The following SMURF1 variants were observed in gnomAD, a reference collection of about 807,000 sequenced individuals.
The protein encoded by SMURF1 is E3 ubiquitin-protein ligase SMURF1.
Under a neutral mutation model 98.0 loss-of-function variants are expected in SMURF1, and 44 were observed. That is an observed-to-expected ratio of 0.45 (90% confidence interval 0.35 to 0.58). SMURF1 has a LOEUF of 0.58. Among genes scored for constraint, SMURF1 ranks in the 20% least tolerant of loss-of-function variants. The pLI is 0.00. For missense variants in SMURF1, 687 were observed against 938.4 expected (o/e 0.73, Z 3.50); for synonymous variants, 396 against 374.9 (o/e 1.06, Z -0.65).
intron 1 of SMURF1, among the ~76,000 whole-genome samples, chr7:99,112,632 G>T (rs1207974774): frequency 6.6e-6 from 1 of 152,014 alleles, no homozygotes; most frequent in African/African-American, 2.4e-5. Flanking sequence ...CCAGAAAAAA[G>T]AAATTAACAG....
chr7:99,140,547 A>G (rs1462519014), intron 1 of SMURF1, among the ~76,000 whole-genome samples: 1 of 151,904 alleles, frequency 6.6e-6, no homozygotes, highest in Non-Finnish European at 1.5e-5. Flanking sequence ...TCAGCCTCCC[A>G]AAGTGCTGAG....
chr7:99,137,760 ATTATTTAAGCC>A (rs1798027184), intron 1 of SMURF1, among the ~76,000 whole-genome samples: 1 of 152,248 alleles, frequency 6.6e-6, no homozygotes, highest in South Asian at 2.1e-4. Flanking sequence ...CTGATTATAC[ATTATTTAAGCC>A]TTGTTTTAAA....
At chr7:99,058,748 AT>A (rs1022492702) in intron 3 of SMURF1, among the ~76,000 whole-genome samples, 1 of 152,226 alleles carries the variant, frequency 6.6e-6, no homozygotes, top group Non-Finnish European at 1.5e-5. Flanking sequence ...GATTACTTTG[AT>A]GAAAATATCT....
intron 1 of SMURF1, among the ~76,000 whole-genome samples, chr7:99,094,172 A>G (rs1245773153): frequency 1.3e-5 from 2 of 152,214 alleles, no homozygotes; most frequent in African/African-American, 4.8e-5. Context: ...CACACTAAAA[A>G]TTTATAAACA....
chr7:99,086,144 G>A (rs1399448352), intron 1 of SMURF1, among the ~76,000 whole-genome samples: 4 of 151,934 alleles, frequency 2.6e-5, no homozygotes, highest in African/African-American at 9.7e-5. Flanking sequence ...TTAGCAGTTC[G>A]AGACCAGCCT....
At chr7:99,101,001 G>A (rs1359648271) in intron 1 of SMURF1, among the ~76,000 whole-genome samples, 1 of 152,200 alleles carries the variant, frequency 6.6e-6, no homozygotes, top group African/African-American at 2.4e-5. Flanking sequence ...AGGAAAAGGT[G>A]ACCAATTTTT....
At chr7:99,035,908 C>T (rs1166515918) in intron 15 of SMURF1, 192 bp from the exon 16 acceptor site, 6 of 613,796 alleles carry the variant, frequency 9.8e-6, no homozygotes, top group Non-Finnish European at 1.1e-5. Context: ...CGTCCGCCTC[C>T]TCCAAACGGG....
intron 1 of SMURF1, among the ~76,000 whole-genome samples, chr7:99,134,355 C>T (rs7779580): frequency 0.97 from 146,988 of 152,266 alleles, 71,124 homozygotes; most frequent in East Asian, 1. Context: ...TGAGGAACCA[C>T]GCGAGAACCC....
intron 17 of SMURF1, among the ~76,000 whole-genome samples, chr7:99,032,360 G>A (rs778118450): frequency 1.1e-4 from 16 of 152,148 alleles, no homozygotes; most frequent in African/African-American, 1.7e-4. Context: ...CCTACAAATC[G>A]GAAAACAGCT....
intron 1 of SMURF1, among the ~76,000 whole-genome samples, chr7:99,080,727 G>A (rs911396538): frequency 1.3e-5 from 2 of 152,162 alleles, no homozygotes; most frequent in Non-Finnish European, 2.9e-5. Flanking sequence ...GAGTTGATGA[G>A]ACCGACACTG....
rs776794989 is a variant in SMURF1 at position 99,033,137 on chromosome 7, T to G, written c.2012-16A>C. On this transcript the variant is annotated splice_polypyrimidine_tract_variant and intron_variant, in intron 16 of 17. Coordinates refer to ENST00000361368, the MANE Select transcript of SMURF1 (RefSeq NM_181349.3). ...CCTGTAGAACCTTACAAGACAACATTCTAGTTAATGTACTTCAGAGTTACA... is the reference window on the plus strand; with the variant it reads ...CCTGTAGAACCTTACAAGACAACATGCTAGTTAATGTACTTCAGAGTTACA... 2 of 1,561,444 alleles carry G rather than the reference T, an allele frequency of 1.3e-6. No homozygotes were observed. The highest frequency in any genetic ancestry group is 4.8e-5 in the East Asian group (2 of 41,982).
intron 6 of SMURF1, among the ~76,000 whole-genome samples, chr7:99,053,806 T>C (rs1054737779): frequency 2.0e-5 from 3 of 152,234 alleles, no homozygotes; most frequent in African/African-American, 7.2e-5. Context: ...TGCAAAATTG[T>C]GACAGTGACC....
intron 1 of SMURF1, among the ~76,000 whole-genome samples, chr7:99,109,151 C>T (rs148434408): frequency 7.7e-4 from 117 of 152,248 alleles, no homozygotes; most frequent in Non-Finnish European, 1.3e-3. Flanking sequence ...TGGAAGATGA[C>T]AGGAGAGAAA....
At chr7:99,070,105 A>T (rs1396020606) in intron 1 of SMURF1, among the ~76,000 whole-genome samples, 1 of 152,188 alleles carries the variant, frequency 6.6e-6, no homozygotes, top group Non-Finnish European at 1.5e-5. Flanking sequence ...AAATGACAAA[A>T]TCATGTGAAC....
At chr7:99,130,003 T>C (rs1797835279) in intron 1 of SMURF1, among the ~76,000 whole-genome samples, 1 of 152,232 alleles carries the variant, frequency 6.6e-6, no homozygotes, top group African/African-American at 2.4e-5. Flanking sequence ...AATCATATTA[T>C]TGCATAAAAA....
chr7:99,089,156 A>C (rs1278202696), intron 1 of SMURF1, among the ~76,000 whole-genome samples: 1 of 150,998 alleles, frequency 6.6e-6, no homozygotes, highest in African/African-American at 2.4e-5. Context: ...GTGAGCCAAG[A>C]TCGTGCCACT....
chr7:99,082,594 C>T (rs948936624), intron 1 of SMURF1, among the ~76,000 whole-genome samples: 1 of 152,178 alleles, frequency 6.6e-6, no homozygotes, highest in Non-Finnish European at 1.5e-5. Flanking sequence ...ACTGTCAGTA[C>T]CATTCTGTCG....
At chr7:99,062,170 T>C (rs1437434780) in intron 1 of SMURF1, among the ~76,000 whole-genome samples, 1 of 122,762 alleles carries the variant, frequency 8.1e-6, no homozygotes, top group Non-Finnish European at 1.9e-5. Flanking sequence ...TCATAGCTCA[T>C]TGCAGCCTCG....
intron 1 of SMURF1, among the ~76,000 whole-genome samples, chr7:99,122,198 C>G (rs1440177503): frequency 2.0e-5 from 3 of 151,644 alleles, no homozygotes; most frequent in African/African-American, 7.3e-5. Flanking sequence ...CATGGTGGCG[C>G]ATGCCTGTGA....
Sources: allele counts gnomAD v4.1 joint callset (sites outside exome capture counted in the v4.1 genomes callset), GRCh38; gene constraint gnomAD v4.1.1; transcripts MANE v1.5; gene names NCBI Gene and HGNC (gene_info 2026-07-23, HGNC 2026-07-21).